Variants in SECISBP2 observed in about 807,000 individuals in gnomAD.
SECISBP2 encodes SECIS binding protein 2, also known as selenocysteine insertion sequence-binding protein 2.
A neutral mutation model predicts 98.2 loss-of-function variants in SECISBP2; 96 were observed. The ratio of observed to expected loss-of-function variants is 0.98; its 90% confidence interval spans 0.83 to 1.16. The LOEUF is 1.16. Among genes scored for constraint, SECISBP2 ranks in the 50% most tolerant of loss-of-function variants. The pLI is 0.00. For synonymous variants in SECISBP2, 407 were observed against 370.2 expected, an observed-to-expected ratio of 1.10 and a Z score of -1.14; for missense variants, 1,046 against 1,022.9, an observed-to-expected ratio of 1.02 and a Z score of -0.31.
In SECISBP2 at chr9:89,349,820, G is replaced by T; in HGVS notation, c.1783G>T (p.Asp595Tyr). Residue 595 changes from aspartate to tyrosine, a missense_variant, in exon 13 of 17, where the codon GAC (aspartate) becomes TAC (tyrosine). Transcript: ENST00000375807. ...ACTGATCTCCACTCCTTCGGTTGAGGACAAGTCTGAAGAGCCACCAGGCAC... is the reference window on the plus strand; with the variant it reads ...ACTGATCTCCACTCCTTCGGTTGAGTACAAGTCTGAAGAGCCACCAGGCAC... The part of the protein sequence containing the change: ...DELISTPSVE[D>Y]KSEEPPGTEL... 1 of 1,614,184 alleles carries T rather than the reference G, an allele frequency of 6.2e-7. No homozygotes were observed. Among genetic ancestry groups the T allele is most frequent in the Non-Finnish European group, 8.5e-7 (1 of 1,180,024 alleles).
chr9:89,350,911 C>T (rs1382309771), intron 14 of SECISBP2, 59 bp downstream of exon 14: 3 of 1,409,788 alleles, frequency 2.1e-6, no homozygotes, highest in East Asian at 2.3e-5. Flanking sequence ...CTAGTGTGCC[C>T]TCGTGTTTGC....
At position 89,319,792 on chromosome 9, in the gene SECISBP2, G is replaced by C. The variant is rs746685005; in HGVS notation, c.177G>C (p.Val59=). The change falls in exon 2 of 17, where the codon GTG becomes GTC. Residue 59 remains valine, a synonymous_variant. Coordinates refer to ENST00000375807, the MANE Select transcript of SECISBP2 (RefSeq NM_024077.5). The stretch of plus-strand genomic sequence containing the variant: ...ATCCGTTTGTTCAGGAACCACCAGT[G>C]ACAGAGTATGTATCTTTCTAAAAGT... ...TYYPFVQEPP[V]TEQKIYTEDM... 1.1e-5 allele frequency: 17 copies of C among 1,613,974 alleles called. No individual in the cohort carries two copies. The Admixed American group carries it at 2.8e-4, about 27-fold the overall frequency.
At chr9:89,359,978 G>A (rs1334041780), downstream of SECISBP2, among the ~76,000 whole-genome samples, 1 of 152,182 alleles carries the variant, frequency 6.6e-6, no homozygotes, top group Non-Finnish European at 1.5e-5. Context: ...TGGCAATATT[G>A]TACCTCTTGA....
chr9:89,322,038 T>C (rs1825904556), intron 2 of SECISBP2, among the ~76,000 whole-genome samples: 1 of 152,232 alleles, frequency 6.6e-6, no homozygotes, highest in African/African-American at 2.4e-5. Context: ...CATCTTTCCT[T>C]AAAGAAGGTA....
At chr9:89,319,848 TG>T (rs754053093) in intron 2 of SECISBP2, 51 bp downstream of exon 2, 5 of 1,586,928 alleles carry the variant, frequency 3.2e-6, no homozygotes, top group Admixed American at 1.7e-5. Flanking sequence ...TTGGATTTAA[TG>T]GTGATTAGAC....
downstream of SECISBP2, chr9:89,364,425 G>A (rs932347260): frequency 8.5e-6 from 2 of 235,550 alleles, no homozygotes; most frequent in East Asian, 9.3e-5. Context: ...GGGCCAGAGT[G>A]GGGACCATGA....
intron 5 of SECISBP2, among the ~76,000 whole-genome samples, chr9:89,331,859 G>A (rs1181841622): frequency 6.6e-6 from 1 of 152,180 alleles, no homozygotes; most frequent in African/African-American, 2.4e-5. Context: ...TATGTGTGGT[G>A]TGATTCCATT....
downstream of SECISBP2, chr9:89,364,178 C>T: frequency 1.2e-6 from 1 of 839,138 alleles, no homozygotes; most frequent in Non-Finnish European, 1.8e-6. Context: ...CCTTAATTGC[C>T]ATTTTTCAAA....
chr9:89,334,226 ATTG>A (rs1312470851), intron 6 of SECISBP2: 3 of 1,211,724 alleles, frequency 2.5e-6, no homozygotes, highest in Non-Finnish European at 3.2e-6. Flanking sequence ...TTTATTGTGG[ATTG>A]TTGTTTTTTA....
At chr9:89,345,451 A>G (rs1830285267) in intron 10 of SECISBP2, among the ~76,000 whole-genome samples, 1 of 152,194 alleles carries the variant, frequency 6.6e-6, no homozygotes, top group African/African-American at 2.4e-5. Context: ...GTCCACACCT[A>G]TACTGTTCCC....
Position 89,318,593 on chromosome 9 carries a change from C to G in SECISBP2, c.17C>G (p.Pro6Arg). Residue 6 changes from proline to arginine, a missense_variant, in exon 1 of 17, where the codon CCG becomes CGG. Pro to Arg is a moderately radical substitution (Grantham distance 103). Coordinates refer to ENST00000375807, the MANE Select transcript of SECISBP2 (RefSeq NM_024077.5). ...CCTCGCGGCATGGCGTCGGAGGGGCCGCGGGAGCCCGAAAGCGAGGTAAGG... is the reference window on the plus strand; with the variant it reads ...CCTCGCGGCATGGCGTCGGAGGGGCGGCGGGAGCCCGAAAGCGAGGTAAGG... MASEG[P>R]REPESEGIKL... 6.8e-7 allele frequency: 1 copy of G among 1,461,478 alleles called. No homozygotes were observed. 90.5% of individuals were successfully genotyped at this position (1,461,478 alleles called of 1,614,324 possible).
chr9:89,334,608 A>G lies in SECISBP2; in HGVS notation c.967A>G (p.Ile323Val), dbSNP rs953269005. Reference sequence around the variant, plus strand: ...AGCCCCTAAAAATGTTACTTCTATGATAAACTTAAAGACCATTGCTTCATC... The same window carrying G: ...AGCCCCTAAAAATGTTACTTCTATGGTAAACTTAAAGACCATTGCTTCATC... Reference protein sequence around the residue: ...SAAPKNVTSMINLKTIASSAD... With the variant: ...SAAPKNVTSMVNLKTIASSAD... Residue 323 changes from isoleucine (I) to valine (V), a missense_variant, in exon 7 of 17, where the codon ATA (isoleucine) becomes GTA (valine). By Grantham distance (29) the Ile-to-Val change is conservative. Transcript: ENST00000375807. 1.2e-6 allele frequency: 2 copies of G among 1,614,056 alleles called. No individual in the cohort carries two copies. The highest frequency in any genetic ancestry group is 1.3e-5 in the African/African-American group (1 of 74,948).
intron 1 of SECISBP2, chr9:89,318,827 G>C: frequency 7.9e-7 from 1 of 1,273,122 alleles, no homozygotes; most frequent in Non-Finnish European, 9.9e-7. Flanking sequence ...CCCACAGTTA[G>C]CGCCGCGTCT....
chr9:89,344,071 G>A (rs909728012), intron 10 of SECISBP2, among the ~76,000 whole-genome samples: 1 of 152,168 alleles, frequency 6.6e-6, no homozygotes, highest in Admixed American at 6.5e-5. Flanking sequence ...TAATGATTAA[G>A]TGATGTTGAG....
intron 7 of SECISBP2, 41 bp from the exon 8 acceptor site, chr9:89,338,417 G>A (rs758744526): frequency 3.9e-5 from 63 of 1,609,576 alleles, no homozygotes; most frequent in African/African-American, 6.7e-5. Context: ...TCTATTGACC[G>A]CCCTAAAAAC....
At chr9:89,330,089 T>G (rs1406481547) in intron 5 of SECISBP2, 1 of 152,208 alleles carries the variant, frequency 6.6e-6, no homozygotes, top group Non-Finnish European at 1.5e-5. Flanking sequence ...GTTGTTTTGT[T>G]TAAAGTCACA....
At chr9:89,335,687 A>G (rs1828549872) in intron 7 of SECISBP2, among the ~76,000 whole-genome samples, 1 of 152,148 alleles carries the variant, frequency 6.6e-6, no homozygotes, top group African/African-American at 2.4e-5. Context: ...TTCATTCTAT[A>G]CTGTAGTCAC....
intron 7 of SECISBP2, among the ~76,000 whole-genome samples, chr9:89,336,081 CTTTTTTTTTTTT>C (rs59799418): frequency 0.025 from 831 of 33,100 alleles, 30 homozygotes; most frequent in Middle Eastern, 0.17. Context: ...ATTTTAAGTG[CTTTTTTTTTTTT>C]TTTTTTTTTT....
chr9:89,340,660 C>G (rs1829520432), intron 9 of SECISBP2, among the ~76,000 whole-genome samples: 1 of 152,132 alleles, frequency 6.6e-6, no homozygotes, highest in South Asian at 2.1e-4. Flanking sequence ...TTGGTACTTT[C>G]CCCTGATGGG....
Sources: gnomAD v4.1 joint callset for allele counts (sites outside exome capture counted in the v4.1 genomes callset) on GRCh38, gnomAD v4.1.1 for gene constraint, MANE v1.5 for transcripts, NCBI Gene and HGNC (gene_info 2026-07-23, HGNC 2026-07-21) for gene names.